The following FRMPD2 variants were observed in gnomAD, a reference collection of about 807,000 sequenced individuals.
FRMPD2 encodes the protein FERM and PDZ domain-containing protein 2.
A neutral mutation model predicts 140.1 loss-of-function variants in FRMPD2; 96 were observed. The observed-to-expected ratio is 0.69, with a 90% CI of 0.58 to 0.81. FRMPD2 has a LOEUF of 0.81. Among genes scored for constraint, FRMPD2 ranks in the 40% least tolerant of loss-of-function variants. The pLI is 0.00. For synonymous variants in FRMPD2, 449 were observed against 547.6 expected (o/e 0.82, Z 2.52); for missense variants, 1,240 against 1,447.4 (o/e 0.86, Z 2.32).
intron 1 of FRMPD2, among the ~76,000 whole-genome samples, chr10:48,272,349 G>A (rs1258972831): frequency 1.3e-5 from 2 of 152,114 alleles, no homozygotes; most frequent in Non-Finnish European, 2.9e-5. Flanking sequence ...CAGAAATTTT[G>A]TAAGCTGGTC....
At chr10:48,220,764 A>C (rs1839566153) in intron 12 of FRMPD2, among the ~76,000 whole-genome samples, 1 of 152,214 alleles carries the variant, frequency 6.6e-6, no homozygotes, top group Admixed American at 6.5e-5. Flanking sequence ...CGATTTCATC[A>C]GAAAGTAGAC....
intron 17 of FRMPD2, among the ~76,000 whole-genome samples, chr10:48,186,204 G>A (rs1838680650): frequency 1.3e-5 from 2 of 152,148 alleles, no homozygotes; most frequent in Non-Finnish European, 2.9e-5. Flanking sequence ...TCCTGGAGTG[G>A]GGCACTTCAG....
chr10:48,200,606 T>C (rs1839062965), intron 15 of FRMPD2, among the ~76,000 whole-genome samples: 1 of 152,226 alleles, frequency 6.6e-6, no homozygotes, highest in African/African-American at 2.4e-5. Context: ...GATAGGTCTG[T>C]GTTGCTAGTG....
chr10:48,222,556 C>T (rs1374597116), intron 11 of FRMPD2, 105 bp from the exon 12 acceptor site: 15 of 1,163,390 alleles, frequency 1.3e-5, no homozygotes, highest in Admixed American at 8.2e-5. Flanking sequence ...GTAGGGAAGA[C>T]GAGATGCAAC....
At chr10:48,222,530 G>A in intron 11 of FRMPD2, 79 bp from the exon 12 acceptor site, 1 of 1,491,272 alleles carries the variant, frequency 6.7e-7, no homozygotes, top group South Asian at 1.2e-5. Flanking sequence ...TTTTCTCAGT[G>A]TGGGAAGTTG....
intron 2 of FRMPD2, among the ~76,000 whole-genome samples, chr10:48,249,772 T>C (rs1564439778): frequency 6.6e-6 from 1 of 152,168 alleles, no homozygotes; most frequent in Non-Finnish European, 1.5e-5. Context: ...AGGAGCCCCA[T>C]AGTCATCCTT....
At chr10:48,195,960 A>G (rs1212320419) in intron 15 of FRMPD2, among the ~76,000 whole-genome samples, 1 of 152,226 alleles carries the variant, frequency 6.6e-6, no homozygotes, top group Non-Finnish European at 1.5e-5. Flanking sequence ...CAGCAGAGGG[A>G]GTGGTCCATC....
At chr10:48,171,301 T>G in intron 25 of FRMPD2, 93 bp from the exon 26 acceptor site, 1 of 715,784 alleles carries the variant, frequency 1.4e-6, no homozygotes, top group Non-Finnish European at 2.6e-6. Flanking sequence ...GTAGATGAAT[T>G]ATTTCTTTTA....
chr10:48,192,053 A>C (rs564470280), intron 16 of FRMPD2, among the ~76,000 whole-genome samples: 1 of 152,334 alleles, frequency 6.6e-6, no homozygotes, highest in African/African-American at 2.4e-5. Context: ...CACCTGGCTG[A>C]TAATAAGGCC....
Position 48,251,638 on chromosome 10 carries a change from C to T in FRMPD2, c.79G>A (p.Ala27Thr), listed in dbSNP as rs756821085. 1.9e-6 allele frequency: 3 copies of T among 1,614,102 alleles called. No individual in the cohort carries two copies. In the East Asian group the frequency reaches 6.7e-5, roughly 36 times the overall value. ...LASALQVRGE[A>T]LSEEEIWSLL... ...GACCAGATTTCCTCCTCAGACAGAG[C>T]TTCACCCCTGACCTGTAGGGCGCTG... The change falls in exon 2 of 29, where the codon GCT becomes ACT. Residue 27 changes from alanine to threonine, a missense_variant. By Grantham distance (58) the Ala-to-Thr change is moderately conservative. Coordinates refer to ENST00000374201, the MANE Select transcript of FRMPD2 (RefSeq NM_001018071.4).
chr10:48,205,998 CA>C (rs2131871855), intron 14 of FRMPD2, among the ~76,000 whole-genome samples: 1 of 152,078 alleles, frequency 6.6e-6, no homozygotes, highest in East Asian at 1.9e-4. Flanking sequence ...AACATTTTTT[CA>C]GGGGCCGCAA....
chr10:48,203,986 G>A lies in FRMPD2; in HGVS notation c.1798-2602C>T, dbSNP rs528075488. On this transcript the variant is annotated intron_variant, in intron 14 of 28. Coordinates refer to ENST00000374201, the MANE Select transcript of FRMPD2 (RefSeq NM_001018071.4). ...GTTGGATTTATTTAGGTGATTTGAA[G>A]GCTTTTCTAGAATAGTTACTTTATT... 1.7e-3 allele frequency among the ~76,000 whole-genome samples: 256 copies of A among 152,238 alleles called. 1 individual carries two copies. Among genetic ancestry groups the A allele is most frequent in the Middle Eastern group, 0.01 (3 of 294 alleles).
intron 8 of FRMPD2, 71 bp downstream of exon 8, chr10:48,237,920 A>G: frequency 6.3e-7 from 1 of 1,581,000 alleles, no homozygotes; most frequent in South Asian, 1.1e-5. Flanking sequence ...ATTTTCAGCC[A>G]CCGTGCCAGC....
At chr10:48,193,505 G>T (rs1019243244) in intron 15 of FRMPD2, among the ~76,000 whole-genome samples, 1 of 152,150 alleles carries the variant, frequency 6.6e-6, no homozygotes, top group Admixed American at 6.5e-5. Flanking sequence ...TAACTTTGAT[G>T]AAGTCTTGAA....
At chr10:48,255,620 T>G (rs762225341) in intron 1 of FRMPD2, among the ~76,000 whole-genome samples, 7 of 152,000 alleles carry the variant, frequency 4.6e-5, no homozygotes, top group Non-Finnish European at 1.0e-4. Flanking sequence ...AACGAGAAGG[T>G]AAGCAAATAA....
intron 15 of FRMPD2, among the ~76,000 whole-genome samples, chr10:48,193,656 A>T (rs745463269): frequency 1.3e-5 from 2 of 152,204 alleles, no homozygotes; most frequent in Non-Finnish European, 2.9e-5. Flanking sequence ...GAAAATGATG[A>T]CTACATTCTG....
In FRMPD2 at chr10:48,242,284, C is replaced by T. The variant is rs774732525; in HGVS notation, c.444G>A (p.Arg148=). ...CTTCCAGAACCGACTGCAACGTGCACCGCCTGTGAGGCTGGTCTTCACACA... is the reference window on the plus strand; with the variant it reads ...CTTCCAGAACCGACTGCAACGTGCATCGCCTGTGAGGCTGGTCTTCACACA... ...LTMCEDQPHR[R]CTLQSVLEAC... The change falls in exon 5 of 29, where the codon CGG becomes CGA. Residue 148 remains arginine, a synonymous_variant. Transcript: ENST00000374201. 3 of 1,614,176 alleles carry T rather than the reference C, an allele frequency of 1.9e-6. No homozygotes were observed. Among genetic ancestry groups the T allele is most frequent in the Non-Finnish European group, 2.5e-6 (3 of 1,180,014 alleles).
chr10:48,249,231 C>T (rs1840323020), intron 2 of FRMPD2, 53 bp from the exon 3 acceptor site: 3 of 1,581,496 alleles, frequency 1.9e-6, no homozygotes, highest in Non-Finnish European at 8.6e-7. Context: ...ATCTGGGGTG[C>T]CAGCATGGGA....
intron 13 of FRMPD2, among the ~76,000 whole-genome samples, chr10:48,207,535 T>C (rs1839228963): frequency 6.6e-6 from 1 of 152,190 alleles, no homozygotes; most frequent in African/African-American, 2.4e-5. Flanking sequence ...GTTAGGGGAA[T>C]AAATTTTGCC....
Sources: allele counts gnomAD v4.1 joint callset (sites outside exome capture counted in the v4.1 genomes callset), GRCh38; gene constraint gnomAD v4.1.1; transcripts MANE v1.5; gene names NCBI Gene and HGNC (gene_info 2026-07-23, HGNC 2026-07-21).